Variants in PDE3A observed in about 807,000 individuals in gnomAD.
PDE3A encodes the protein cGMP-inhibited 3',5'-cyclic phosphodiesterase 3A.
PDE3A carries 43 observed loss-of-function variants against 98.3 expected under a neutral mutation model. The ratio of observed to expected loss-of-function variants is 0.44; its 90% confidence interval spans 0.34 to 0.56. The LOEUF (loss-of-function observed/expected upper bound fraction) is 0.56, where lower values mean the gene tolerates loss of function less well. Ranked by LOEUF, PDE3A falls within the 20% of genes least tolerant of loss-of-function variation. The pLI, the probability that PDE3A is intolerant of heterozygous loss-of-function variation, is 0.01. For synonymous variants in PDE3A, 663 were observed against 567.9 expected, an observed-to-expected ratio of 1.17 and a Z score of -2.38; for missense variants, 1,427 against 1,440.7, an observed-to-expected ratio of 0.99 and a Z score of 0.15.
At chr12:20,650,343 C>A in intron 13 of PDE3A, 102 bp from the exon 14 acceptor site, 2 of 630,338 alleles carry the variant, frequency 3.2e-6, no homozygotes, top group Non-Finnish European at 5.3e-6. Context: ...TATTATGATC[C>A]CTATATAATA....
chr12:20,488,082 T>C (rs1328683870), intron 1 of PDE3A, among the ~76,000 whole-genome samples: 1 of 152,128 alleles, frequency 6.6e-6, no homozygotes, highest in Non-Finnish European at 1.5e-5. Context: ...GCACAACACT[T>C]AAAACCAAAT....
At chr12:20,646,376 T>C in intron 10 of PDE3A, 114 bp from the exon 11 acceptor site, 1 of 639,612 alleles carries the variant, frequency 1.6e-6, no homozygotes, top group South Asian at 2.0e-5. Flanking sequence ...TTTGGCCAAC[T>C]TTCATGGAAA....
chr12:20,628,131 A>T (rs1174947668), intron 5 of PDE3A, among the ~76,000 whole-genome samples: 2 of 152,216 alleles, frequency 1.3e-5, no homozygotes, highest in Non-Finnish European at 2.9e-5. Flanking sequence ...AGATAATATT[A>T]AAAATTGAGT....
chr12:20,539,588 T>C (rs1941842639), intron 1 of PDE3A, among the ~76,000 whole-genome samples: 1 of 152,104 alleles, frequency 6.6e-6, no homozygotes, highest in South Asian at 2.1e-4. Flanking sequence ...CAGCACCTAA[T>C]ACCATGCTTG....
intron 1 of PDE3A, among the ~76,000 whole-genome samples, chr12:20,533,567 C>T (rs1429242458): frequency 2.6e-5 from 4 of 151,346 alleles, no homozygotes; most frequent in Non-Finnish European, 5.9e-5. Flanking sequence ...CTGCAAGCTC[C>T]GCCTCCCGGG....
intron 1 of PDE3A, among the ~76,000 whole-genome samples, chr12:20,512,977 T>A (rs1480593478): frequency 6.6e-6 from 1 of 152,132 alleles, no homozygotes; most frequent in Non-Finnish European, 1.5e-5. Context: ...GGGCTTCCTA[T>A]GAGTAAATGT....
At chr12:20,455,313 T>C (rs1205669772) in intron 1 of PDE3A, among the ~76,000 whole-genome samples, 1 of 152,186 alleles carries the variant, frequency 6.6e-6, no homozygotes, top group Non-Finnish European at 1.5e-5. Context: ...GAGTTGTTTG[T>C]TCTTTTCTTG....
intron 5 of PDE3A, among the ~76,000 whole-genome samples, chr12:20,622,530 T>C (rs1020909943): frequency 2.6e-5 from 4 of 152,170 alleles, no homozygotes; most frequent in Admixed American, 1.3e-4. Flanking sequence ...CTCTCTGCTC[T>C]TTAGAAATGT....
chr12:20,606,122 G>T (rs1245767116), intron 2 of PDE3A, among the ~76,000 whole-genome samples: 1 of 152,026 alleles, frequency 6.6e-6, no homozygotes, highest in East Asian at 1.9e-4. Flanking sequence ...ATAAATTTAT[G>T]TTGACCCTAC....
intron 1 of PDE3A, among the ~76,000 whole-genome samples, chr12:20,423,142 A>C (rs1944547247): frequency 6.6e-6 from 1 of 152,210 alleles, no homozygotes; most frequent in Non-Finnish European, 1.5e-5. Context: ...TATTTATATA[A>C]AACATTTTAA....
intron 2 of PDE3A, among the ~76,000 whole-genome samples, chr12:20,582,958 C>A (rs981439482): frequency 6.6e-6 from 1 of 152,172 alleles, no homozygotes; most frequent in South Asian, 2.1e-4. Context: ...CAAATGAACT[C>A]TTGAATTCCA....
intron 1 of PDE3A, among the ~76,000 whole-genome samples, chr12:20,461,791 C>G (rs1320968364): frequency 1.3e-5 from 2 of 152,048 alleles, no homozygotes; most frequent in Non-Finnish European, 2.9e-5. Flanking sequence ...TTACCAAGTG[C>G]GTAAGAATCA....
At chr12:20,635,764 A>T (rs1944496796) in intron 8 of PDE3A, among the ~76,000 whole-genome samples, 1 of 151,566 alleles carries the variant, frequency 6.6e-6, no homozygotes, top group Non-Finnish European at 1.5e-5. Context: ...AAAAAAAAAA[A>T]AAAAAAAGAA....
At chr12:20,409,239 C>T (rs189105573) in intron 1 of PDE3A, among the ~76,000 whole-genome samples, 266 of 152,226 alleles carry the variant, frequency 1.7e-3, no homozygotes, top group African/African-American at 5.5e-3. Flanking sequence ...TGTAAGTCAG[C>T]GACACAGGTT....
chr12:20,533,507 G>A (rs1415975554), intron 1 of PDE3A, among the ~76,000 whole-genome samples: 1 of 146,980 alleles, frequency 6.8e-6, no homozygotes, highest in Non-Finnish European at 1.5e-5. Context: ...TTTGAGACGT[G>A]GTCTCGTCCT....
chr12:20,467,933 C>CAAAAAAAAAAAAAAAAAAAAAAAAAAA (rs60320142), intron 1 of PDE3A, among the ~76,000 whole-genome samples: 2 of 35,676 alleles, frequency 5.6e-5, no homozygotes, highest in Non-Finnish European at 9.7e-5. Flanking sequence ...GACTCCTTCT[C>CAAAAAAAAAAAAAAAAAAAAAAAAAAA]AAAAAAAAAA....
chr12:20,670,587 C>T (rs923621097), intron 15 of PDE3A, among the ~76,000 whole-genome samples: 5 of 151,918 alleles, frequency 3.3e-5, no homozygotes, highest in Non-Finnish European at 7.4e-5. Flanking sequence ...ACAACCTGCT[C>T]CTGAATGACT....
chr12:20,531,063 C>A (rs1309102052), intron 1 of PDE3A, among the ~76,000 whole-genome samples: 1 of 152,074 alleles, frequency 6.6e-6, no homozygotes, highest in Non-Finnish European at 1.5e-5. Flanking sequence ...AAGAGGGTTC[C>A]CCCTATCAGG....
In PDE3A at chr12:20,395,530, AG is replaced by A. The variant is rs1565535700; in HGVS notation, c.960+25287del. Among the ~76,000 whole-genome samples, 10 of 147,722 alleles carry A rather than the reference AG, an allele frequency of 6.8e-5. No individual in the cohort carries two copies. The East Asian group carries it at 7.9e-4, about 12-fold the overall frequency. ...TAATATGTATACTATGTGTACACAT[AG>A]TATAATATGTATACTATGTGTACAC... On this transcript the variant is annotated intron_variant, in intron 1 of 15. Transcript: ENST00000359062.
Sources: allele counts gnomAD v4.1 joint callset (sites outside exome capture counted in the v4.1 genomes callset), GRCh38; gene constraint gnomAD v4.1.1; transcripts MANE v1.5; gene names NCBI Gene and HGNC (gene_info 2026-07-23, HGNC 2026-07-21).